Variants in HABP2 observed in about 807,000 individuals in gnomAD.
The protein encoded by HABP2 is factor VII-activating protease.
Under a neutral mutation model 66.5 loss-of-function variants are expected in HABP2, and 65 were observed. The ratio of observed to expected loss-of-function variants is 0.98; its 90% CI spans 0.80 to 1.20. The LOEUF (loss-of-function observed/expected upper bound fraction) is 1.20, where lower values mean the gene tolerates loss of function less well. HABP2 is among the 50% of genes most tolerant of loss of function. The pLI, the probability that HABP2 is intolerant of heterozygous loss-of-function variation, is 0.00. For missense variants in HABP2, 786 were observed against 691.0 expected (o/e 1.14, Z -1.54); for synonymous variants, 263 against 253.9 (o/e 1.04, Z -0.34).
At chr10:113,564,922 C>G (rs545657213) in intron 1 of HABP2, among the ~76,000 whole-genome samples, 1 of 152,274 alleles carries the variant, frequency 6.6e-6, no homozygotes, top group East Asian at 1.9e-4. Flanking sequence ...TCTTGGCTCG[C>G]TGCAAGCTCT....
chr10:113,577,053 A>T (rs542044930), intron 4 of HABP2, 97 bp from the exon 5 acceptor site: 1 of 756,466 alleles, frequency 1.3e-6, no homozygotes. Context: ...GGCTACAGAC[A>T]CTGTCAGTCA....
chr10:113,569,398 G>A (rs988552182), intron 2 of HABP2, among the ~76,000 whole-genome samples: 8 of 152,174 alleles, frequency 5.3e-5, no homozygotes, highest in South Asian at 2.1e-4. Context: ...TTCAGTGTCC[G>A]ACTTAACCTC....
chr10:113,584,960 A>G (rs1574675), intron 11 of HABP2, among the ~76,000 whole-genome samples: 99,142 of 152,160 alleles, frequency 0.65, 32,736 homozygotes, highest in East Asian at 0.75. Context: ...AAATTCAGAA[A>G]GGTATTTCAT....
Position 113,589,493 on chromosome 10 carries a change from C to G in HABP2, c.*1124C>G. 1.4e-6 allele frequency: 1 copy of G among 714,412 alleles called. No homozygotes were observed. The highest frequency in any genetic ancestry group is 2.3e-6 in the Non-Finnish European group (1 of 440,602). The allele number at this position is 714,412 out of a possible 1,614,324, so 44.3% of individuals were successfully genotyped here. A position where few individuals can be genotyped will look rare whatever the true frequency, so the allele number is the denominator to read the frequency against. On this transcript the variant is annotated 3_prime_UTR_variant, in exon 13 of 13. Coordinates refer to ENST00000351270, the MANE Select transcript of HABP2 (RefSeq NM_004132.5). ...CCTGCAGGAAGTTTAACCTGCGTGT[C>G]ATCTGCCTGGTCATCTCAGACCCAT...
intron 2 of HABP2, among the ~76,000 whole-genome samples, chr10:113,571,643 G>C (rs925177937): frequency 1.3e-5 from 2 of 152,174 alleles, no homozygotes; most frequent in African/African-American, 4.8e-5. Flanking sequence ...TTTGTCATCA[G>C]ATTGGCTCAT....
In HABP2 at chr10:113,589,518, T is replaced by TTA; in HGVS notation, c.*1149_*1150insTA. ...CATCTGCCTGGTCATCTCAGACCCA[T>TTA]GAAATTAGGCGCCTTGTTTGAGCTG... On this transcript the variant is annotated 3_prime_UTR_variant, in exon 13 of 13. Coordinates refer to ENST00000351270, the MANE Select transcript of HABP2 (RefSeq NM_004132.5). 1.1e-6 allele frequency: 1 copy of TTA among 909,588 alleles called. No individual in the cohort carries two copies. Among genetic ancestry groups the TTA allele is most frequent in the Non-Finnish European group, 1.7e-6 (1 of 604,656 alleles). The allele number at this position is 909,588 out of a possible 1,614,324, so 56.3% of individuals were successfully genotyped here. A position where few individuals can be genotyped will look rare whatever the true frequency, so the allele number is the denominator to read the frequency against.
At chr10:113,552,872 C>T (rs1844922032), upstream of HABP2, among the ~76,000 whole-genome samples, 1 of 152,224 alleles carries the variant, frequency 6.6e-6, no homozygotes, top group African/African-American at 2.4e-5. Context: ...CAGCTACTTT[C>T]TTTGGAGAGT....
chr10:113,581,896 A>G lies in HABP2; in HGVS notation c.859A>G (p.Ser287Gly). The G allele has an allele frequency of 6.2e-7, 1 of 1,614,160 alleles. No individual in the cohort carries two copies. Among genetic ancestry groups the G allele is most frequent in the Non-Finnish European group, 8.5e-7 (1 of 1,179,982 alleles). ...SAQDVAYPEESPTEPSTKLPG... is the reference protein window; with the variant it reads ...SAQDVAYPEEGPTEPSTKLPG... ...CACAGACGTTGCCTACCCAGAGGAA[A>G]GCCCCACTGAGCCATCAACCAAGCT... Residue 287 changes from serine to glycine, a missense_variant, in exon 9 of 13, where the codon AGC (serine) becomes GGC (glycine). Transcript: ENST00000351270.
At chr10:113,574,566 T>C (rs1302968472) in intron 3 of HABP2, among the ~76,000 whole-genome samples, 161 bp downstream of exon 3, 2 of 152,206 alleles carry the variant, frequency 1.3e-5, no homozygotes, top group African/African-American at 2.4e-5. Flanking sequence ...GTTAGATTCA[T>C]ATGCTATGAG....
intron 1 of HABP2, among the ~76,000 whole-genome samples, chr10:113,560,253 C>A (rs1845076921): frequency 6.6e-6 from 1 of 152,200 alleles, no homozygotes. Context: ...TGTGCAAAAG[C>A]CAGAAGGGCA....
intron 4 of HABP2, 133 bp from the exon 5 acceptor site, chr10:113,577,017 G>A (rs987883331): frequency 1.3e-5 from 9 of 677,746 alleles, no homozygotes; most frequent in Non-Finnish European, 5.4e-6. Flanking sequence ...TCCTGGCATA[G>A]CCCAGTGTTT....
intron 2 of HABP2, chr10:113,570,216 GAAT>G (rs1344706470): frequency 5.9e-5 from 9 of 152,202 alleles, no homozygotes; most frequent in African/African-American, 2.2e-4. Flanking sequence ...TGCAAAATAG[GAAT>G]AATAATACCT....
intron 10 of HABP2, 100 bp downstream of exon 10, chr10:113,583,458 T>C (rs947380711): frequency 4.6e-6 from 5 of 1,082,480 alleles, no homozygotes; most frequent in Non-Finnish European, 7.0e-6. Flanking sequence ...CTCTTGATTG[T>C]TTTTGGTCCC....
chr10:113,587,178 G>T (rs1432963459), intron 12 of HABP2, among the ~76,000 whole-genome samples: 1 of 152,126 alleles, frequency 6.6e-6, no homozygotes, highest in Non-Finnish European at 1.5e-5. Context: ...AAATTAGGTG[G>T]ACATGGTGGC....
At chr10:113,557,723 C>T (rs1054400787) in intron 1 of HABP2, among the ~76,000 whole-genome samples, 8 of 152,204 alleles carry the variant, frequency 5.3e-5, no homozygotes, top group African/African-American at 1.9e-4. Flanking sequence ...TCACTGACAA[C>T]AGTGGCTATT....
At chr10:113,564,696 A>G (rs1353396637) in intron 1 of HABP2, among the ~76,000 whole-genome samples, 2 of 152,224 alleles carry the variant, frequency 1.3e-5, no homozygotes, top group African/African-American at 2.4e-5. Flanking sequence ...TGCAATGAAT[A>G]TTCTTCATCC....
At chr10:113,587,785 A>C (rs1845679236) in intron 12 of HABP2, among the ~76,000 whole-genome samples, 1 of 152,090 alleles carries the variant, frequency 6.6e-6, no homozygotes, top group Non-Finnish European at 1.5e-5. Context: ...GCCTAAGGTC[A>C]CATGCCTGGC....
Position 113,584,274 on chromosome 10 carries a change from C to A in HABP2, c.1364C>A (p.Thr455Lys). The change falls in exon 11 of 13, where the codon ACA (threonine) becomes AAA (lysine). Residue 455 changes from threonine to lysine, a missense_variant. Thr to Lys is a moderately conservative substitution (Grantham distance 78). Transcript: ENST00000351270. ...TGCCACATCTCTGGCTGGGGTGTTA[C>A]AGAAACAGGTGAGTCGGCCATGCAC... ...SECHISGWGV[T>K]ETGKGSRQLL... 6.2e-7 allele frequency: 1 copy of A among 1,613,996 alleles called. No homozygotes were observed. The highest frequency in any genetic ancestry group is 8.5e-7 in the Non-Finnish European group (1 of 1,179,870).
upstream of HABP2, chr10:113,551,063 A>C (rs780392995): frequency 1.3e-5 from 2 of 152,214 alleles, no homozygotes; most frequent in African/African-American, 2.4e-5. Flanking sequence ...TTTTCCTTTC[A>C]CATTGAGTTG....
Sources: allele counts gnomAD v4.1 joint callset (sites outside exome capture counted in the v4.1 genomes callset), GRCh38; gene constraint gnomAD v4.1.1; transcripts MANE v1.5; gene names NCBI Gene and HGNC (gene_info 2026-07-23, HGNC 2026-07-21).